Variants in HAPLN1 observed in about 807,000 individuals in gnomAD.
HAPLN1 encodes the protein hyaluronan and proteoglycan link protein 1.
HAPLN1 carries 13 observed loss-of-function variants against 36.5 expected under a neutral mutation model. The ratio of observed to expected loss-of-function variants is 0.36; its 90% CI spans 0.23 to 0.57. HAPLN1 has a LOEUF of 0.57. HAPLN1 is among the 20% of genes least tolerant of loss of function. HAPLN1 has a pLI of 0.83. For synonymous variants in HAPLN1, 202 were observed against 169.8 expected (o/e 1.19, Z -1.48); for missense variants, 407 against 439.7 (o/e 0.93, Z 0.66).
chr5:83,701,433 G>A lies in HAPLN1; in HGVS notation c.-27+19356C>T, dbSNP rs528511270. Among the ~76,000 whole-genome samples the A allele has an allele frequency of 7.2e-5, 11 of 152,320 alleles. No homozygotes were observed. The East Asian group carries it at 2.1e-3, about 29-fold the overall frequency. ...TTCTGCTACCGCAGGTGTTTAGGCA[G>A]ATCAACAAACATCTGCCTATTGTAT... On this transcript the variant is annotated intron_variant, in intron 1 of 4. Transcript: ENST00000274341.
chr5:83,673,651 T>A, intron 1 of HAPLN1, 102 bp from the exon 2 acceptor site: 1 of 679,894 alleles, frequency 1.5e-6, no homozygotes, highest in Non-Finnish European at 2.5e-6. Flanking sequence ...AATGGGTCTG[T>A]AAAAATATTT....
intron 1 of HAPLN1, among the ~76,000 whole-genome samples, chr5:83,696,316 G>A (rs1369967891): frequency 6.6e-6 from 1 of 152,090 alleles, no homozygotes; most frequent in Non-Finnish European, 1.5e-5. Context: ...ATTATTAAGA[G>A]ATTCAGTCTT....
rs1465628780 is a variant in HAPLN1, at chr5:83,638,335, T to C, written c.*3161A>G. 6.6e-6 allele frequency: 1 copy of C among 152,074 alleles called. No homozygotes were observed. The highest frequency in any genetic ancestry group is 1.9e-4 in the East Asian group (1 of 5,200). The allele number at this position is 152,074 out of a possible 1,614,324, so 9.4% of individuals were successfully genotyped here. On this transcript the variant is annotated 3_prime_UTR_variant, in exon 5 of 5. Transcript: ENST00000274341. ...ATATCTATTAAATGCCTTTAAATAT[T>C]GGTTTTCTTTTAATCAGGTGGCTTA...
rs1410214643 is a variant in HAPLN1 at position 83,661,442 on chromosome 5, T to C, written c.101-8618A>G. ...GGTCTGTGAGAAAAGCTTCTTTTTT[T>C]TTTTTTTTTTTTTTTTTTTTGAGAC... On this transcript the variant is annotated intron_variant, in intron 2 of 4. Transcript: ENST00000274341. Among the ~76,000 whole-genome samples, 39 of 130,318 alleles carry C rather than the reference T, an allele frequency of 3.0e-4. No individual in the cohort carries two copies. In the East Asian group the frequency reaches 7.1e-3, roughly 24 times the overall value. 85.5% of individuals were successfully genotyped at this position (130,318 alleles called of 152,430 possible).
intron 2 of HAPLN1, among the ~76,000 whole-genome samples, chr5:83,663,766 A>G (rs774407347): frequency 7.1e-6 from 1 of 140,816 alleles, no homozygotes; most frequent in African/African-American, 2.7e-5. Flanking sequence ...CCTACATCCA[A>G]TCTATCAGTA....
intron 1 of HAPLN1, among the ~76,000 whole-genome samples, chr5:83,697,193 A>G: frequency 6.6e-6 from 1 of 152,178 alleles, no homozygotes; most frequent in East Asian, 1.9e-4. Context: ...AATATTCTAG[A>G]TGATTCAATG....
chr5:83,676,217 C>CAGAGATACGCACACATACAT (rs1750857792), intron 1 of HAPLN1, among the ~76,000 whole-genome samples: 3 of 109,506 alleles, frequency 2.7e-5, no homozygotes, highest in Admixed American at 2.6e-4. Context: ...CACACATACA[C>CAGAGATACGCACACATACAT]AGAGATACGC....
intron 1 of HAPLN1, among the ~76,000 whole-genome samples, chr5:83,692,192 A>T (rs1751293123): frequency 6.6e-6 from 1 of 151,908 alleles, no homozygotes; most frequent in African/African-American, 2.4e-5. Flanking sequence ...GAGTCTCCAA[A>T]AGAGAGAAGG....
At chr5:83,686,160 A>G (rs1356445600) in intron 1 of HAPLN1, 5 of 150,258 alleles carry the variant, frequency 3.3e-5, no homozygotes, top group South Asian at 2.1e-4. Flanking sequence ...AAAAAAAAAA[A>G]AAAAGAAATG....
intron 3 of HAPLN1, among the ~76,000 whole-genome samples, chr5:83,647,151 A>T (rs1749901538): frequency 6.6e-6 from 1 of 152,196 alleles, no homozygotes; most frequent in Non-Finnish European, 1.5e-5. Context: ...ACCACTGAAC[A>T]TTACTTAAAT....
intron 2 of HAPLN1, among the ~76,000 whole-genome samples, chr5:83,672,367 C>T (rs2112597442): frequency 6.6e-6 from 1 of 152,252 alleles, no homozygotes; most frequent in East Asian, 1.9e-4. Flanking sequence ...GAGTCAGCAG[C>T]TTGCAGAGTA....
At chr5:83,703,564 T>C (rs1402000688) in intron 1 of HAPLN1, 2 of 152,152 alleles carry the variant, frequency 1.3e-5, no homozygotes, top group Non-Finnish European at 2.9e-5. Flanking sequence ...ATCAGCATGA[T>C]AGACCAAGCT....
chr5:83,673,327 G>A (rs1432460046), intron 2 of HAPLN1, 97 bp downstream of exon 2: 24 of 803,080 alleles, frequency 3.0e-5, no homozygotes, highest in Non-Finnish European at 4.4e-5. Context: ...AAAAGTCAAT[G>A]CAGCAGAACT....
intron 2 of HAPLN1, among the ~76,000 whole-genome samples, 172 bp downstream of exon 2, chr5:83,673,252 C>A (rs569802629): frequency 2.0e-4 from 30 of 152,268 alleles, no homozygotes; most frequent in Admixed American, 1.6e-3. Flanking sequence ...ATTCTTAACT[C>A]TACTGTAATG....
At chr5:83,698,252 A>G (rs980552146) in intron 1 of HAPLN1, among the ~76,000 whole-genome samples, 2 of 152,112 alleles carry the variant, frequency 1.3e-5, no homozygotes, top group Admixed American at 1.3e-4. Context: ...CCAGCATCTC[A>G]GTTTTCCACT....
At chr5:83,643,746 C>T (rs1749772234) in intron 4 of HAPLN1, among the ~76,000 whole-genome samples, 1 of 152,176 alleles carries the variant, frequency 6.6e-6, no homozygotes, top group Non-Finnish European at 1.5e-5. Context: ...GCCACAGCAC[C>T]CAGCCCACAT....
chr5:83,710,119 G>A (rs1353409009), intron 1 of HAPLN1, among the ~76,000 whole-genome samples: 1 of 152,176 alleles, frequency 6.6e-6, no homozygotes, highest in African/African-American at 2.4e-5. Flanking sequence ...GACACTCACT[G>A]GATAGATCTA....
intron 1 of HAPLN1, among the ~76,000 whole-genome samples, chr5:83,689,552 T>C (rs1751221337): frequency 6.6e-6 from 1 of 152,114 alleles, no homozygotes; most frequent in South Asian, 2.1e-4. Flanking sequence ...CCAACTTCAA[T>C]AACTTCACTA....
chr5:83,688,975 C>T (rs934455682), intron 1 of HAPLN1, among the ~76,000 whole-genome samples: 1 of 151,980 alleles, frequency 6.6e-6, no homozygotes, highest in Admixed American at 6.6e-5. Flanking sequence ...TTCAATGCTC[C>T]GTATTGAGGC....
Sources: allele counts gnomAD v4.1 joint callset (sites outside exome capture counted in the v4.1 genomes callset), GRCh38; gene constraint gnomAD v4.1.1; transcripts MANE v1.5; gene names NCBI Gene and HGNC (gene_info 2026-07-23, HGNC 2026-07-21).